Variants in SLC4A4 observed in about 807,000 individuals in gnomAD.
SLC4A4 encodes the protein solute carrier family 4 member 4.
Under a neutral mutation model 111.5 loss-of-function variants are expected in SLC4A4, and 27 were observed. The ratio of observed to expected loss-of-function variants is 0.24; its 90% CI spans 0.18 to 0.33. SLC4A4 has a LOEUF of 0.33. SLC4A4 is among the 10% of genes least tolerant of loss of function. The pLI is 1.00. For missense variants in SLC4A4, 909 were observed against 1,315.5 expected, an observed-to-expected ratio of 0.69 and a Z score of 4.78; for synonymous variants, 443 against 463.4, an observed-to-expected ratio of 0.96 and a Z score of 0.57.
intron 3 of SLC4A4, chr4:71,301,056 C>A: frequency 2.5e-6 from 1 of 402,782 alleles, no homozygotes. Context: ...TTAACAGTAG[C>A]TTGGTCAACT....
intron 3 of SLC4A4, among the ~76,000 whole-genome samples, chr4:71,283,339 G>A (rs1211211928): frequency 2.0e-5 from 3 of 152,170 alleles, no homozygotes; most frequent in African/African-American, 7.2e-5. Flanking sequence ...GGTACAGAGT[G>A]TCTGCAATAG....
chr4:71,235,184 G>A (rs888578297), intron 1 of SLC4A4, among the ~76,000 whole-genome samples: 2 of 152,188 alleles, frequency 1.3e-5, no homozygotes, highest in Non-Finnish European at 2.9e-5. Context: ...GCTCCAGGTA[G>A]CACACTTGTT....
At chr4:71,153,367 A>G (rs1744369357) in intron 2 of SLC4A4, among the ~76,000 whole-genome samples, 1 of 152,094 alleles carries the variant, frequency 6.6e-6, no homozygotes, top group Admixed American at 6.6e-5. Context: ...CCCAGGATCA[A>G]TACTTTGCAT....
At position 71,206,798 on chromosome 4, in the gene SLC4A4, G is replaced by GATTATT. The variant is rs368280879; in HGVS notation, c.-2+19419_-2+19424dup. 2.2e-4 allele frequency among the ~76,000 whole-genome samples: 33 copies of GATTATT among 150,344 alleles called. No homozygotes were observed. In the East Asian group the frequency reaches 2.9e-3, roughly 13 times the overall value. ...CACTGATGAAATTCACATTCATTTT[G>GATTATT]ATTATTATTATTATTATTATTATTA... On this transcript the variant is annotated intron_variant, in intron 1 of 25. Coordinates refer to ENST00000264485, the MANE Select transcript of SLC4A4 (RefSeq NM_001098484.3).
chr4:71,451,208 G>T lies in SLC4A4; in HGVS notation c.1229G>T (p.Gly410Val). 6.2e-7 allele frequency: 1 copy of T among 1,608,754 alleles called. No individual in the cohort carries two copies. Among genetic ancestry groups the T allele is most frequent in the South Asian group, 1.1e-5 (1 of 90,954 alleles). The change falls in exon 11 of 26, where the codon GGA (glycine) becomes GTA (valine). Residue 410 changes from glycine to valine, a missense_variant. Physicochemically the swap from Gly to Val is moderately radical, Grantham distance 109 (BLOSUM62 -3). Transcript: ENST00000264485. ...SDKRKNMYSGGENVQMNGDTP... is the reference protein window; with the variant it reads ...SDKRKNMYSGVENVQMNGDTP... The stretch of plus-strand genomic sequence containing the variant: ...CTTAGAAAGAATATGTACTCAGGTG[G>T]AGAGAATGTTCAGATGAATGGGGAT...
chr4:71,280,915 A>G (rs1338735958), intron 3 of SLC4A4, among the ~76,000 whole-genome samples: 1 of 152,238 alleles, frequency 6.6e-6, no homozygotes, highest in East Asian at 1.9e-4. Flanking sequence ...ATGAAAGTGC[A>G]CAAGTAATAA....
chr4:71,089,801 GC>G (rs1226460353), intron 1 of SLC4A4, among the ~76,000 whole-genome samples: 1 of 151,976 alleles, frequency 6.6e-6, no homozygotes, highest in African/African-American at 2.4e-5. Flanking sequence ...GTGTCAGTCT[GC>G]CCCTACTGGG....
At chr4:71,529,956 C>A (rs779629593) in intron 16 of SLC4A4, among the ~76,000 whole-genome samples, 30 of 152,202 alleles carry the variant, frequency 2.0e-4, no homozygotes, top group Non-Finnish European at 3.7e-4. Flanking sequence ...TACTCCTGAA[C>A]TGCTTCATAG....
At chr4:71,228,100 ACCCTC>A (rs920091421) in intron 1 of SLC4A4, among the ~76,000 whole-genome samples, 15 of 151,850 alleles carry the variant, frequency 9.9e-5, no homozygotes, top group Non-Finnish European at 1.6e-4. Context: ...AGCACTTCAT[ACCCTC>A]CCCCACAGCA....
chr4:71,172,417 AG>A (rs1380146388), intron 2 of SLC4A4, among the ~76,000 whole-genome samples: 2 of 151,832 alleles, frequency 1.3e-5, no homozygotes, highest in African/African-American at 4.8e-5. Flanking sequence ...CACCATGCCC[AG>A]CAGATTTTTG....
intron 3 of SLC4A4, among the ~76,000 whole-genome samples, chr4:71,309,491 A>C (rs1170292897): frequency 6.6e-6 from 1 of 152,146 alleles, no homozygotes. Flanking sequence ...AGCAGGCAGG[A>C]ATCTTTGCTG....
At chr4:71,539,197 A>T (rs925990842) in intron 18 of SLC4A4, among the ~76,000 whole-genome samples, 5 of 151,948 alleles carry the variant, frequency 3.3e-5, no homozygotes, top group African/African-American at 1.2e-4. Flanking sequence ...AATCCTATAG[A>T]CTCAGTCCTT....
At chr4:71,515,594 G>A (rs1324505053) in intron 16 of SLC4A4, among the ~76,000 whole-genome samples, 1 of 152,060 alleles carries the variant, frequency 6.6e-6, no homozygotes, top group African/African-American at 2.4e-5. Context: ...TACTGTTATT[G>A]TATTGCATTC....
At chr4:71,141,774 G>A (rs113534441) in intron 2 of SLC4A4, among the ~76,000 whole-genome samples, 2 of 152,222 alleles carry the variant, frequency 1.3e-5, no homozygotes, top group Admixed American at 6.5e-5. Context: ...AAAAAATATT[G>A]GATGGATGAA....
intron 2 of SLC4A4, among the ~76,000 whole-genome samples, chr4:71,104,007 A>G (rs1408565015): frequency 3.0e-5 from 3 of 98,964 alleles, no homozygotes; most frequent in Non-Finnish European, 4.1e-5. Flanking sequence ...AGGATCAACA[A>G]AATTGATAGA....
Position 71,532,145 on chromosome 4 carries a change from C to T in SLC4A4, c.2250C>T (p.Thr750=), listed in dbSNP as rs1165574360. The T allele has an allele frequency of 1.9e-6, 3 of 1,610,904 alleles. No individual in the cohort carries two copies. Among genetic ancestry groups the T allele is most frequent in the South Asian group, 2.2e-5 (2 of 91,016 alleles). Residue 750 remains threonine (T), a synonymous_variant, in exon 17 of 26, where the codon ACC becomes ACT. Coordinates refer to ENST00000264485, the MANE Select transcript of SLC4A4 (RefSeq NM_001098484.3). ...CVIDALVGVD[T]PKLIVPSEFK... ...TAGATGCCCTAGTAGGCGTGGACAC[C>T]CCAAAACTAATTGTGCCAAGTGAGT...
Position 71,293,437 on chromosome 4 carries a change from C to T in SLC4A4, c.253+38038C>T, listed in dbSNP as rs184069672. Among the ~76,000 whole-genome samples, 517 of 151,792 alleles carry T rather than the reference C, an allele frequency of 3.4e-3. 4 individuals are homozygous for T. Among genetic ancestry groups the T allele is most frequent in the African/African-American group, 0.012 (494 of 41,418 alleles). ...AATTAGCTGGGTGTGGTGATGCACA[C>T]CTGTAGTCCTAGCTACTTGGGAGGC... On this transcript the variant is annotated intron_variant, in intron 3 of 25. Transcript: ENST00000264485.
At chr4:71,211,419 A>G (rs2602102) in intron 1 of SLC4A4, among the ~76,000 whole-genome samples, 1 of 152,250 alleles carries the variant, frequency 6.6e-6, no homozygotes, top group Admixed American at 6.5e-5. Context: ...TCAAAATGGT[A>G]TATGATAGCT....
intron 3 of SLC4A4, among the ~76,000 whole-genome samples, chr4:71,298,637 A>G (rs1578782242): frequency 1.3e-5 from 2 of 152,096 alleles, no homozygotes; most frequent in African/African-American, 4.8e-5. Context: ...ACATAGGAAA[A>G]GAGATTCAGT....
Sources: allele counts gnomAD v4.1 joint callset (sites outside exome capture counted in the v4.1 genomes callset), GRCh38; gene constraint gnomAD v4.1.1; transcripts MANE v1.5; gene names NCBI Gene and HGNC (gene_info 2026-07-23, HGNC 2026-07-21).